MAP3K5: variants seen among roughly 807,000 people sequenced by gnomAD.
MAP3K5 encodes mitogen-activated protein kinase kinase kinase 5.
MAP3K5 carries 56 observed loss-of-function variants against 158.7 expected under a neutral mutation model. The ratio of observed to expected loss-of-function variants is 0.35; its 90% CI spans 0.28 to 0.44. MAP3K5 has a LOEUF of 0.44. MAP3K5 is among the 20% of genes least tolerant of loss of function. MAP3K5 has a pLI of 1.00. For synonymous variants in MAP3K5, 579 were observed against 601.7 expected, an observed-to-expected ratio of 0.96 and a Z score of 0.55; for missense variants, 1,294 against 1,674.8, an observed-to-expected ratio of 0.77 and a Z score of 3.97.
intron 10 of MAP3K5, among the ~76,000 whole-genome samples, chr6:136,653,324 A>G (rs1319245804): frequency 6.6e-6 from 1 of 152,240 alleles, no homozygotes; most frequent in Non-Finnish European, 1.5e-5. Context: ...TAATTCTTGG[A>G]GAAATGAGAA....
At chr6:136,589,392 T>G (rs1775283789) in intron 23 of MAP3K5, among the ~76,000 whole-genome samples, 1 of 152,188 alleles carries the variant, frequency 6.6e-6, no homozygotes, top group African/African-American at 2.4e-5. Flanking sequence ...AGAAGTGTCA[T>G]ACCAGGGACT....
chr6:136,654,997 A>G (rs1435699627), intron 10 of MAP3K5, among the ~76,000 whole-genome samples: 1 of 152,116 alleles, frequency 6.6e-6, no homozygotes, highest in Non-Finnish European at 1.5e-5. Context: ...GTTTATACCT[A>G]TATTCTCCTA....
At chr6:136,770,996 T>C (rs1420192735) in intron 1 of MAP3K5, among the ~76,000 whole-genome samples, 1 of 152,190 alleles carries the variant, frequency 6.6e-6, no homozygotes, top group East Asian at 1.9e-4. Flanking sequence ...ATTTCTGGTT[T>C]TAAACACTAG....
intron 7 of MAP3K5, among the ~76,000 whole-genome samples, chr6:136,684,621 T>C (rs1583413450): frequency 6.6e-6 from 1 of 152,158 alleles, no homozygotes; most frequent in African/African-American, 2.4e-5. Context: ...GTCTCAGCTC[T>C]TTAGTCACAA....
At chr6:136,587,263 G>A (rs1188561765) in intron 23 of MAP3K5, among the ~76,000 whole-genome samples, 1 of 152,040 alleles carries the variant, frequency 6.6e-6, no homozygotes, top group Non-Finnish European at 1.5e-5. Context: ...TATGTATCTA[G>A]AAACAATACA....
At chr6:136,608,390 A>T (rs188049951) in intron 18 of MAP3K5, among the ~76,000 whole-genome samples, 111 of 152,298 alleles carry the variant, frequency 7.3e-4, no homozygotes, top group Middle Eastern at 3.4e-3. Flanking sequence ...AAGCAGGAGC[A>T]CAGTTGGGGA....
chr6:136,565,101 CTTTCT>C (rs1470323395), intron 26 of MAP3K5, among the ~76,000 whole-genome samples: 1 of 152,144 alleles, frequency 6.6e-6, no homozygotes, highest in Non-Finnish European at 1.5e-5. Flanking sequence ...TTGTCTGAAG[CTTTCT>C]TTTAACACCT....
chr6:136,742,682 A>C (rs1482666109), intron 1 of MAP3K5, among the ~76,000 whole-genome samples: 1 of 152,210 alleles, frequency 6.6e-6, no homozygotes, highest in Admixed American at 6.5e-5. Flanking sequence ...TCAGCAAAAA[A>C]AATTGTCAAG....
intron 23 of MAP3K5, among the ~76,000 whole-genome samples, chr6:136,589,540 T>C (rs1029620079): frequency 3.3e-5 from 5 of 152,186 alleles, no homozygotes; most frequent in African/African-American, 1.2e-4. Context: ...TTCCCAGGTA[T>C]TATGGTTCTG....
intron 1 of MAP3K5, among the ~76,000 whole-genome samples, chr6:136,757,586 A>ATTTATT (rs1562679223): frequency 7.8e-6 from 1 of 127,818 alleles, no homozygotes; most frequent in African/African-American, 3.1e-5. Flanking sequence ...TTTATTTTTT[A>ATTTATT]TTTTTTTTTT....
intron 2 of MAP3K5, among the ~76,000 whole-genome samples, chr6:136,707,791 G>C (rs1365323884): frequency 6.6e-6 from 1 of 152,148 alleles, no homozygotes; most frequent in Non-Finnish European, 1.5e-5. Flanking sequence ...ACTAGTAAAG[G>C]CTGAGAACAA....
At chr6:136,705,615 T>G (rs1392505057) in intron 2 of MAP3K5, among the ~76,000 whole-genome samples, 1 of 152,170 alleles carries the variant, frequency 6.6e-6, no homozygotes, top group Non-Finnish European at 1.5e-5. Context: ...CTAAAAAGTT[T>G]ACAATCTGCG....
intron 24 of MAP3K5, among the ~76,000 whole-genome samples, chr6:136,582,441 C>T (rs534956382): frequency 6.6e-6 from 1 of 152,320 alleles, no homozygotes; most frequent in Admixed American, 6.5e-5. Context: ...TTATTTCACT[C>T]TACTTGCAGG....
intron 21 of MAP3K5, among the ~76,000 whole-genome samples, chr6:136,594,900 T>C (rs1286286644): frequency 6.6e-6 from 1 of 152,110 alleles, no homozygotes; most frequent in Admixed American, 6.5e-5. Context: ...GGTCATATCA[T>C]GTGGTTTGAT....
chr6:136,628,577 A>G, intron 14 of MAP3K5, among the ~76,000 whole-genome samples: 1 of 152,184 alleles, frequency 6.6e-6, no homozygotes, highest in East Asian at 1.9e-4. Context: ...ATAAACCTTG[A>G]TGAGGCTGCT....
intron 15 of MAP3K5, among the ~76,000 whole-genome samples, chr6:136,618,258 C>T (rs762770436): frequency 8.5e-5 from 13 of 152,230 alleles, no homozygotes; most frequent in African/African-American, 1.2e-4. Context: ...AGAACGTCCA[C>T]ACCCCTCCAG....
chr6:136,750,713 G>A (rs1388949441), intron 1 of MAP3K5, among the ~76,000 whole-genome samples: 1 of 152,150 alleles, frequency 6.6e-6, no homozygotes, highest in Non-Finnish European at 1.5e-5. Context: ...ATTGGAGAAA[G>A]GTCTTAAACT....
intron 7 of MAP3K5, among the ~76,000 whole-genome samples, chr6:136,671,193 T>A (rs1317929634): frequency 6.6e-6 from 1 of 152,138 alleles, no homozygotes; most frequent in African/African-American, 2.4e-5. Context: ...CTTAAAGATA[T>A]GAAAAGGAAG....
At chr6:136,710,164 C>A (rs1232401137) in intron 2 of MAP3K5, among the ~76,000 whole-genome samples, 1 of 152,028 alleles carries the variant, frequency 6.6e-6, no homozygotes, top group Non-Finnish European at 1.5e-5. Context: ...GTATCTAGAG[C>A]AGAGAATGCT....
Sources: gnomAD v4.1 joint callset for allele counts (sites outside exome capture counted in the v4.1 genomes callset) on GRCh38, gnomAD v4.1.1 for gene constraint, MANE v1.5 for transcripts, NCBI Gene and HGNC (gene_info 2026-07-23, HGNC 2026-07-21) for gene names.